The following RGS6 variants were observed in gnomAD, a reference collection of about 807,000 sequenced individuals.
RGS6 encodes regulator of G protein signaling 6.
RGS6 carries 30 observed loss-of-function variants against 78.5 expected under a neutral mutation model. That is an observed-to-expected ratio of 0.38 (90% CI 0.29 to 0.52). RGS6 has a LOEUF of 0.52. RGS6 is among the 20% of genes least tolerant of loss of function. The pLI is 0.85. For synonymous variants in RGS6, 206 were observed against 206.0 expected (o/e 1.00, Z 0.00); for missense variants, 495 against 609.7 (o/e 0.81, Z 1.98).
chr14:72,408,560 T>A (rs2093140257), intron 3 of RGS6, among the ~76,000 whole-genome samples: 1 of 152,222 alleles, frequency 6.6e-6, no homozygotes, highest in Non-Finnish European at 1.5e-5. Flanking sequence ...TGTGTGGGAC[T>A]CTATCATCAG....
At chr14:72,568,635 G>A (rs55907656), downstream of RGS6, among the ~76,000 whole-genome samples, 3,558 of 152,316 alleles carry the variant, frequency 0.023, 63 homozygotes, top group Non-Finnish European at 0.038. Flanking sequence ...GTGGCGGGCC[G>A]GAGGCGCCCT....
At chr14:72,199,559 G>A (rs1014271390) in intron 2 of RGS6, among the ~76,000 whole-genome samples, 3 of 152,170 alleles carry the variant, frequency 2.0e-5, no homozygotes, top group African/African-American at 7.2e-5. Context: ...ATTGGCATGA[G>A]AGATAATTTA....
chr14:72,116,730 G>A (rs907611055), intron 2 of RGS6, among the ~76,000 whole-genome samples: 3 of 151,874 alleles, frequency 2.0e-5, no homozygotes, highest in Non-Finnish European at 2.9e-5. Flanking sequence ...TTGGGAGGCC[G>A]AGGCAGGCAG....
chr14:72,083,596 A>C (rs1255514609), intron 2 of RGS6, among the ~76,000 whole-genome samples: 1 of 152,080 alleles, frequency 6.6e-6, no homozygotes, highest in Non-Finnish European at 1.5e-5. Flanking sequence ...CCTCGGATGG[A>C]GCTGGTCTTC....
chr14:72,524,329 G>A (rs971073505), intron 15 of RGS6, among the ~76,000 whole-genome samples: 1 of 152,222 alleles, frequency 6.6e-6, no homozygotes, highest in Non-Finnish European at 1.5e-5. Flanking sequence ...ATCCCATGGT[G>A]ATGGGCATAG....
At chr14:72,532,878 C>T (rs1384147188) in intron 15 of RGS6, among the ~76,000 whole-genome samples, 1 of 152,188 alleles carries the variant, frequency 6.6e-6, no homozygotes, top group Non-Finnish European at 1.5e-5. Context: ...CAAAAAGAAA[C>T]CAAGTCCATA....
chr14:72,012,756 A>G (rs1412428552), intron 2 of RGS6, among the ~76,000 whole-genome samples: 1 of 152,198 alleles, frequency 6.6e-6, no homozygotes, highest in Non-Finnish European at 1.5e-5. Context: ...ATTGTGCCTC[A>G]ACCAGTTACT....
intron 2 of RGS6, among the ~76,000 whole-genome samples, chr14:72,186,668 T>C (rs751079280): frequency 1.3e-5 from 2 of 152,234 alleles, no homozygotes; most frequent in African/African-American, 4.8e-5. Flanking sequence ...AGATGATTAC[T>C]ACAGGCCTTA....
At chr14:72,239,273 A>G (rs2052081062) in intron 2 of RGS6, among the ~76,000 whole-genome samples, 2 of 152,160 alleles carry the variant, frequency 1.3e-5, no homozygotes, top group South Asian at 2.1e-4. Flanking sequence ...AGGAAGTTGT[A>G]TGCATGCCCA....
intron 2 of RGS6, among the ~76,000 whole-genome samples, chr14:72,157,492 T>C: frequency 6.6e-6 from 1 of 152,238 alleles, no homozygotes; most frequent in East Asian, 1.9e-4. Flanking sequence ...TGAAGAATTT[T>C]CCTCCTTTTT....
At chr14:72,264,493 C>G (rs1247202654) in intron 2 of RGS6, among the ~76,000 whole-genome samples, 4 of 152,284 alleles carry the variant, frequency 2.6e-5, no homozygotes, top group Non-Finnish European at 4.4e-5. Flanking sequence ...AACTTATTTT[C>G]CGGGAGAGGA....
At chr14:72,283,357 T>A (rs545008569) in intron 2 of RGS6, among the ~76,000 whole-genome samples, 2 of 152,172 alleles carry the variant, frequency 1.3e-5, no homozygotes, top group South Asian at 4.1e-4. Context: ...CTGAGATGGT[T>A]TGGCTGTGTC....
At chr14:72,214,579 T>C (rs1015468598) in intron 2 of RGS6, among the ~76,000 whole-genome samples, 1 of 152,190 alleles carries the variant, frequency 6.6e-6, no homozygotes, top group Non-Finnish European at 1.5e-5. Context: ...AGAAAAAGAA[T>C]CTTTAAAATT....
chr14:72,372,265 A>G (rs2083656171), intron 3 of RGS6, among the ~76,000 whole-genome samples: 1 of 152,220 alleles, frequency 6.6e-6, no homozygotes, highest in Admixed American at 6.5e-5. Context: ...AAACACGTTG[A>G]CTTTAATAAG....
chr14:72,625,658 G>A, the RGS6 span, among the ~76,000 whole-genome samples: 3 of 152,180 alleles, frequency 2.0e-5, no homozygotes, highest in Admixed American at 1.3e-4. Context: ...ATAAATGTAT[G>A]TGTAGGTACA....
chr14:72,563,635 T>G lies in RGS6; in HGVS notation c.*1168T>G, dbSNP rs2097696700. On this transcript the variant is annotated 3_prime_UTR_variant, in exon 18 of 18. Coordinates refer to ENST00000553525, the MANE Select transcript of RGS6 (RefSeq NM_001204424.2). ...GGGAAATGCAAAAACCTGCAAAAGA[T>G]CCACCTGTATTCCCTGTGTGTGTGT... 1 of 152,304 alleles carries G rather than the reference T, an allele frequency of 6.6e-6. No homozygotes were observed. Among genetic ancestry groups the G allele is most frequent in the African/African-American group, 2.4e-5 (1 of 41,460 alleles). The allele number at this position is 152,304 out of a possible 1,614,324, so 9.4% of individuals were successfully genotyped here. A position where few individuals can be genotyped will look rare whatever the true frequency, so the allele number is the denominator to read the frequency against.
chr14:71,986,453 C>G (rs781548349), intron 2 of RGS6, among the ~76,000 whole-genome samples: 4 of 152,114 alleles, frequency 2.6e-5, no homozygotes, highest in Non-Finnish European at 4.4e-5. Context: ...CCTGTAATTC[C>G]AGCACTTTGG....
intron 2 of RGS6, among the ~76,000 whole-genome samples, chr14:72,222,263 A>G (rs1403478011): frequency 1.3e-5 from 2 of 152,224 alleles, no homozygotes; most frequent in African/African-American, 2.4e-5. Context: ...AAGGATGTTC[A>G]GGGCCAGATC....
chr14:72,064,010 TA>T (rs2094015431), intron 2 of RGS6, among the ~76,000 whole-genome samples: 1 of 152,116 alleles, frequency 6.6e-6, no homozygotes, highest in Non-Finnish European at 1.5e-5. Flanking sequence ...TGTTTTTCTC[TA>T]GATTGTGTCA....
Sources: allele counts gnomAD v4.1 joint callset (sites outside exome capture counted in the v4.1 genomes callset), GRCh38; gene constraint gnomAD v4.1.1; transcripts MANE v1.5; gene names NCBI Gene and HGNC (gene_info 2026-07-23, HGNC 2026-07-21).